Variants in CTNNA2 observed in about 807,000 individuals in gnomAD.
CTNNA2 encodes the protein catenin alpha-2.
CTNNA2 carries 42 observed loss-of-function variants against 101.0 expected under a neutral mutation model. The observed-to-expected ratio is 0.42, with a 90% confidence interval of 0.32 to 0.54. The LOEUF is 0.54. Ranked by LOEUF, CTNNA2 falls within the 20% of genes least tolerant of loss-of-function variation. CTNNA2 has a pLI of 0.14. For missense variants in CTNNA2, 871 were observed against 1,223.1 expected, an observed-to-expected ratio of 0.71 and a Z score of 4.29; for synonymous variants, 450 against 456.4, an observed-to-expected ratio of 0.99 and a Z score of 0.18.
chr2:79,965,129 G>C (rs1367563315), intron 7 of CTNNA2, among the ~76,000 whole-genome samples: 2 of 152,262 alleles, frequency 1.3e-5, no homozygotes, highest in South Asian at 2.1e-4. Flanking sequence ...TCATTTGCCT[G>C]TCTGTTCAGG....
At chr2:79,313,786 G>A (rs1421613261) in intron 3 of CTNNA2, among the ~76,000 whole-genome samples, 1 of 152,174 alleles carries the variant, frequency 6.6e-6, no homozygotes, top group Non-Finnish European at 1.5e-5. Context: ...GCCCAGCATG[G>A]CAGGTCCTTC....
intron 7 of CTNNA2, among the ~76,000 whole-genome samples, chr2:80,191,344 G>A (rs1706486740): frequency 6.6e-6 from 1 of 152,096 alleles, no homozygotes; most frequent in African/African-American, 2.4e-5. Context: ...TTCCTTATTG[G>A]CTGTCTTTAT....
chr2:79,245,761 A>G (rs1200765284), intron 2 of CTNNA2, among the ~76,000 whole-genome samples: 24 of 152,200 alleles, frequency 1.6e-4, no homozygotes, highest in Admixed American at 1.6e-3. Flanking sequence ...TGCTGGAAAG[A>G]TGCTCCTGCA....
At chr2:80,451,907 T>G (rs1683546437) in intron 9 of CTNNA2, among the ~76,000 whole-genome samples, 1 of 152,238 alleles carries the variant, frequency 6.6e-6, no homozygotes, top group African/African-American at 2.4e-5. Flanking sequence ...TAAATCAGCA[T>G]ATACTAGAAT....
chr2:79,242,694 G>T (rs557995936), intron 2 of CTNNA2, among the ~76,000 whole-genome samples: 36 of 152,206 alleles, frequency 2.4e-4, no homozygotes, highest in African/African-American at 7.7e-4. Flanking sequence ...TAGGCCAAGC[G>T]TGGTGGCTCA....
intron 4 of CTNNA2, among the ~76,000 whole-genome samples, chr2:79,440,860 G>C (rs1678769917): frequency 6.6e-6 from 1 of 152,152 alleles, no homozygotes. Flanking sequence ...AATTGTCCCT[G>C]TCATCCAGTT....
chr2:79,698,399 A>G (rs904498773), intron 2 of CTNNA2, among the ~76,000 whole-genome samples: 1 of 152,098 alleles, frequency 6.6e-6, no homozygotes, highest in Non-Finnish European at 1.5e-5. Flanking sequence ...AATCGTTTCA[A>G]TACTTTCACT....
chr2:80,104,154 C>T (rs1359260501), intron 7 of CTNNA2, among the ~76,000 whole-genome samples: 1 of 152,230 alleles, frequency 6.6e-6, no homozygotes, highest in African/African-American at 2.4e-5. Flanking sequence ...CCTTCAATAA[C>T]ATATGCAAAG....
intron 9 of CTNNA2, among the ~76,000 whole-genome samples, chr2:80,452,845 A>G (rs1305208212): frequency 1.4e-5 from 2 of 147,060 alleles, no homozygotes; most frequent in African/African-American, 5.5e-5. Context: ...TATCATTTAG[A>G]TCAAGGAGAT....
intron 1 of CTNNA2, among the ~76,000 whole-genome samples, chr2:79,189,711 G>A (rs1221199035): frequency 1.3e-5 from 2 of 152,108 alleles, no homozygotes; most frequent in East Asian, 3.9e-4. Flanking sequence ...GGCACCCTCT[G>A]GAGTTAAGCT....
intron 7 of CTNNA2, among the ~76,000 whole-genome samples, chr2:80,188,412 G>C (rs991899776): frequency 6.6e-6 from 1 of 152,170 alleles, no homozygotes; most frequent in Admixed American, 6.5e-5. Flanking sequence ...TGGTGGCACT[G>C]TATGAGTTTT....
intron 2 of CTNNA2, among the ~76,000 whole-genome samples, chr2:79,711,616 A>G (rs946315861): frequency 1.3e-5 from 2 of 152,166 alleles, no homozygotes; most frequent in African/African-American, 4.8e-5. Flanking sequence ...TATACAAATA[A>G]GGTAGAAAGC....
At chr2:79,316,262 T>C (rs1251286960) in intron 3 of CTNNA2, among the ~76,000 whole-genome samples, 1 of 152,044 alleles carries the variant, frequency 6.6e-6, no homozygotes, top group Non-Finnish European at 1.5e-5. Flanking sequence ...ACCATATATG[T>C]AATGGTTTAT....
At chr2:79,445,946 A>G (rs1678828795) in intron 4 of CTNNA2, among the ~76,000 whole-genome samples, 6 of 152,162 alleles carry the variant, frequency 3.9e-5, no homozygotes, top group South Asian at 2.1e-4. Context: ...TTTATAGTTC[A>G]TAAAAGATCT....
chr2:79,215,351 G>A (rs1674238214), intron 2 of CTNNA2, among the ~76,000 whole-genome samples: 2 of 152,196 alleles, frequency 1.3e-5, no homozygotes, highest in Non-Finnish European at 2.9e-5. Context: ...GTTCTTGTGT[G>A]CTGGAGATGT....
rs1472407347 is a variant in CTNNA2, at chr2:79,930,355, A to AGAACGAACGAAC, written c.1056+20561_1056+20562insCGAACGAACGAA. Among the ~76,000 whole-genome samples the AGAACGAACGAAC allele has an allele frequency of 1.9e-5, 2 of 104,878 alleles. 1 individual carries two copies. The highest frequency in any genetic ancestry group is 6.6e-5 in the African/African-American group (2 of 30,130). The allele number at this position is 104,878 out of a possible 152,430, so 68.8% of individuals were successfully genotyped here. A position where few individuals can be genotyped will look rare whatever the true frequency, so the allele number is the denominator to read the frequency against. On this transcript the variant is annotated intron_variant, in intron 7 of 18. Coordinates refer to ENST00000402739, the MANE Select transcript of CTNNA2 (RefSeq NM_001282597.3). The stretch of plus-strand genomic sequence containing the variant: ...AAGAAAGAAAGAAAGAAAGAAAGAA[A>AGAACGAACGAAC]GAATGAACACGGGTTCTAGCCACCT...
At chr2:80,338,296 CTTTTTCTTTTTTTTTTT>C (rs1671930016) in intron 7 of CTNNA2, among the ~76,000 whole-genome samples, 1 of 125,632 alleles carries the variant, frequency 8.0e-6, no homozygotes, top group Non-Finnish European at 1.6e-5. Flanking sequence ...GCCTTTTTTT[CTTTTTCTTTTTTTTTTT>C]TTTTCACTTT....
chr2:80,589,042 G>T (rs1190727207), intron 14 of CTNNA2, among the ~76,000 whole-genome samples: 1 of 152,158 alleles, frequency 6.6e-6, no homozygotes, highest in Non-Finnish European at 1.5e-5. Flanking sequence ...AAGCGGCAGA[G>T]AAGTTCTGTT....
At chr2:80,052,002 G>C (rs1696905915) in intron 7 of CTNNA2, among the ~76,000 whole-genome samples, 1 of 152,158 alleles carries the variant, frequency 6.6e-6, no homozygotes, top group African/African-American at 2.4e-5. Context: ...AGACAAGTGG[G>C]TGTTTTAAGT....
Sources: allele counts gnomAD v4.1 joint callset (sites outside exome capture counted in the v4.1 genomes callset), GRCh38; gene constraint gnomAD v4.1.1; transcripts MANE v1.5; gene names NCBI Gene and HGNC (gene_info 2026-07-23, HGNC 2026-07-21).